KDM4A: variants seen among roughly 807,000 people sequenced by gnomAD.
KDM4A encodes the protein lysine demethylase 4A, also known as lysine-specific demethylase 4A.
KDM4A carries 23 observed loss-of-function variants against 127.1 expected under a neutral mutation model. The observed-to-expected ratio is 0.18, with a 90% confidence interval of 0.13 to 0.26. KDM4A has a LOEUF of 0.26. Ranked by LOEUF, KDM4A falls within the 10% of genes least tolerant of loss-of-function variation. The pLI is 1.00. For missense variants in KDM4A, 890 were observed against 1,329.1 expected (o/e 0.67, Z 5.14); for synonymous variants, 443 against 466.5 (o/e 0.95, Z 0.65).
At chr1:43,669,328 A>C (rs1209130866) in intron 10 of KDM4A, 29 bp downstream of exon 10, 1 of 1,602,860 alleles carries the variant, frequency 6.2e-7, no homozygotes, top group African/African-American at 1.3e-5. Context: ...ATTTTCCACA[A>C]CCCTAACTCA....
intron 18 of KDM4A, among the ~76,000 whole-genome samples, chr1:43,697,153 T>A (rs1304322837): frequency 6.6e-6 from 1 of 152,138 alleles, no homozygotes; most frequent in Non-Finnish European, 1.5e-5. Flanking sequence ...AAGCCCTGGG[T>A]GGCAGCACAT....
intron 15 of KDM4A, 44 bp downstream of exon 15, chr1:43,691,616 T>C (rs201674755): frequency 1.3e-5 from 20 of 1,550,460 alleles, no homozygotes; most frequent in Non-Finnish European, 1.8e-5. Context: ...TGAGTCTTGG[T>C]GCATATTCAG....
chr1:43,699,046 C>T (rs950306668), intron 19 of KDM4A, among the ~76,000 whole-genome samples: 1 of 151,738 alleles, frequency 6.6e-6, no homozygotes, highest in African/African-American at 2.4e-5. Flanking sequence ...ACCTTGGCCT[C>T]CCAAAGTGGT....
In KDM4A at chr1:43,686,284, C is replaced by T. The variant is rs144288620; in HGVS notation, c.1855+2480C>T. Among the ~76,000 whole-genome samples the T allele has an allele frequency of 6.7e-3, 1,005 of 149,334 alleles. 9 individuals carry two copies. Among genetic ancestry groups the T allele is most frequent in the African/African-American group, 0.024 (952 of 40,482 alleles). ...AACTCCTGACCTTGTGATCCACCCA[C>T]CTCGGCCTCCCAAAGTGCTGGGATT... On this transcript the variant is annotated intron_variant, in intron 12 of 21. Transcript: ENST00000372396.
At chr1:43,702,944 T>C (rs1401330758) in intron 19 of KDM4A, among the ~76,000 whole-genome samples, 1 of 151,564 alleles carries the variant, frequency 6.6e-6, no homozygotes, top group Non-Finnish European at 1.5e-5. Flanking sequence ...GGCAGGAGGA[T>C]TGCTAGAACC....
At chr1:43,703,534 T>G in intron 19 of KDM4A, 83 bp from the exon 20 acceptor site, 1 of 1,546,204 alleles carries the variant, frequency 6.5e-7, no homozygotes, top group East Asian at 2.3e-5. Flanking sequence ...TTTGTCCTGG[T>G]TCACTCTTCC....
chr1:43,658,288 T>C (rs1416484005), intron 3 of KDM4A, among the ~76,000 whole-genome samples: 2 of 152,108 alleles, frequency 1.3e-5, no homozygotes, highest in Non-Finnish European at 2.9e-5. Context: ...GTCAGGCTGG[T>C]CTCGAACTGT....
intron 19 of KDM4A, among the ~76,000 whole-genome samples, chr1:43,698,233 T>C (rs1661292415): frequency 6.6e-6 from 1 of 152,200 alleles, no homozygotes; most frequent in Admixed American, 6.5e-5. Flanking sequence ...TGGGAATCAG[T>C]ATTTTCTGCA....
intron 10 of KDM4A, 137 bp downstream of exon 10, chr1:43,669,436 A>G: frequency 1.1e-6 from 1 of 880,866 alleles, no homozygotes; most frequent in East Asian, 2.5e-5. Flanking sequence ...TTGGAGTGTG[A>G]GAAGTGCTTT....
At chr1:43,698,799 T>G (rs1661307832) in intron 19 of KDM4A, among the ~76,000 whole-genome samples, 1 of 152,196 alleles carries the variant, frequency 6.6e-6, no homozygotes, top group Non-Finnish European at 1.5e-5. Flanking sequence ...TATTTATATT[T>G]TATTTGTGAG....
chr1:43,701,473 T>C (rs1661391891), intron 19 of KDM4A, among the ~76,000 whole-genome samples: 1 of 152,120 alleles, frequency 6.6e-6, no homozygotes, highest in African/African-American at 2.4e-5. Context: ...TCAGTCACTT[T>C]TTTCTTTTTT....
At chr1:43,674,627 G>A (rs1450701543) in intron 11 of KDM4A, among the ~76,000 whole-genome samples, 1 of 151,168 alleles carries the variant, frequency 6.6e-6, no homozygotes, top group Non-Finnish European at 1.5e-5. Flanking sequence ...AGTGATTCTC[G>A]TGCCCCAGCC....
At chr1:43,663,133 G>C (rs1198937720) in intron 5 of KDM4A, 46 bp downstream of exon 5, 1 of 1,540,046 alleles carries the variant, frequency 6.5e-7, no homozygotes, top group Non-Finnish European at 8.9e-7. Context: ...GCTAGAGCAC[G>C]GGCTCATGTT....
In KDM4A at chr1:43,704,593, T is replaced by G; in HGVS notation, c.*223T>G. On this transcript the variant is annotated 3_prime_UTR_variant, in exon 22 of 22. Transcript: ENST00000372396. Reference sequence around the variant, plus strand: ...TGGCAGCAGTCGCTGATCTCCCAGCTGAGGGGCTGAGCACTGGAATGCTGT... The same window carrying G: ...TGGCAGCAGTCGCTGATCTCCCAGCGGAGGGGCTGAGCACTGGAATGCTGT... The G allele has an allele frequency of 1.9e-6, 1 of 536,576 alleles. No homozygotes were observed. 33.2% of individuals were successfully genotyped at this position (536,576 alleles called of 1,614,324 possible).
At chr1:43,650,517 C>CGGCGGGGCCG (rs1660086435) in intron 1 of KDM4A, 1 of 152,228 alleles carries the variant, frequency 6.6e-6, no homozygotes. Flanking sequence ...CTCGCCAAGG[C>CGGCGGGGCCG]GGCGGGGCCG....
intron 14 of KDM4A, 78 bp from the exon 15 acceptor site, chr1:43,691,418 T>C (rs1344135195): frequency 8.7e-7 from 1 of 1,144,152 alleles, no homozygotes; most frequent in African/African-American, 1.5e-5. Context: ...TGGGAGGTGG[T>C]ATATGGAAAG....
At chr1:43,684,546 A>G (rs1660927602) in intron 12 of KDM4A, among the ~76,000 whole-genome samples, 1 of 152,154 alleles carries the variant, frequency 6.6e-6, no homozygotes, top group Non-Finnish European at 1.5e-5. Context: ...GAAGGACAGC[A>G]TGCTATGGAG....
intron 10 of KDM4A, among the ~76,000 whole-genome samples, chr1:43,670,411 G>A (rs1193262459): frequency 6.6e-6 from 1 of 151,790 alleles, no homozygotes; most frequent in South Asian, 2.1e-4. Context: ...TAATTTTTTT[G>A]TTTGTTTTAG....
rs756622376 is a variant in KDM4A, at chr1:43,668,014, G to A, written c.1158G>A (p.Lys386=). 6 of 1,613,964 alleles carry A rather than the reference G, an allele frequency of 3.7e-6. No individual in the cohort carries two copies. The South Asian group carries it at 6.6e-5, about 18-fold the overall frequency. The change falls in exon 9 of 22, where the codon AAG becomes AAA. Residue 386 remains lysine, a synonymous_variant. Coordinates refer to ENST00000372396, the MANE Select transcript of KDM4A (RefSeq NM_014663.3). ...AGGATGGAGAGGAAGGAGACCTGAA[G>A]ACAAGGTAACCCAGCAGCCCTTTTG... ...GVEDGEEGDL[K]TSLAKHRIGT... is the part of the protein sequence containing the mutation.
Sources: gnomAD v4.1 joint callset for allele counts (sites outside exome capture counted in the v4.1 genomes callset) on GRCh38, gnomAD v4.1.1 for gene constraint, MANE v1.5 for transcripts, NCBI Gene and HGNC (gene_info 2026-07-23, HGNC 2026-07-21) for gene names.